DRG1: variants seen among roughly 807,000 people sequenced by gnomAD.
DRG1 encodes developmentally regulated GTP binding protein 1, also known as developmentally-regulated GTP-binding protein 1.
DRG1 carries 19 observed loss-of-function variants against 38.8 expected under a neutral mutation model. That is an observed-to-expected ratio of 0.49 (90% CI 0.34 to 0.72). The LOEUF is 0.72. Among genes scored for constraint, DRG1 ranks in the 30% least tolerant of loss-of-function variants. The probability of loss-of-function intolerance (pLI) is 0.01; values close to 1 mark genes in which losing one functional copy is unlikely to be tolerated. For synonymous variants in DRG1, 167 were observed against 157.5 expected (o/e 1.06, Z -0.45); for missense variants, 299 against 444.8 (o/e 0.67, Z 2.95).
At chr22:31,423,587 C>T (rs926573508) in intron 6 of DRG1, among the ~76,000 whole-genome samples, 177 bp downstream of exon 6, 4 of 138,296 alleles carry the variant, frequency 2.9e-5, no homozygotes, top group East Asian at 2.3e-4. Context: ...AGTGCAGTGG[C>T]GTGATCTCAG....
At chr22:31,406,915 T>G (rs986642799) in intron 3 of DRG1, among the ~76,000 whole-genome samples, 30 of 152,336 alleles carry the variant, frequency 2.0e-4, no homozygotes, top group Admixed American at 5.2e-4. Context: ...TTTAGCTATT[T>G]CTGTCTATTT....
At chr22:31,401,081 C>T (rs2049958283) in intron 2 of DRG1, among the ~76,000 whole-genome samples, 1 of 151,902 alleles carries the variant, frequency 6.6e-6, no homozygotes, top group South Asian at 2.1e-4. Context: ...TGAATATTGT[C>T]TAAGTGTACT....
intron 6 of DRG1, 146 bp from the exon 7 acceptor site, chr22:31,426,469 T>A: frequency 1.5e-6 from 1 of 669,848 alleles, no homozygotes; most frequent in South Asian, 2.2e-5. Context: ...CTTTTTCTTT[T>A]TCTTTTTTCT....
intron 3 of DRG1, among the ~76,000 whole-genome samples, chr22:31,404,942 T>A (rs149580387): frequency 1.0e-3 from 152 of 151,302 alleles, no homozygotes; most frequent in Middle Eastern, 3.4e-3. Flanking sequence ...AAATAAATAT[T>A]TTTTTTTTAG....
intron 3 of DRG1, among the ~76,000 whole-genome samples, chr22:31,404,972 T>C (rs569763323): frequency 6.6e-6 from 1 of 152,274 alleles, no homozygotes; most frequent in East Asian, 1.9e-4. Context: ...GGTTGTAACA[T>C]GAAATTCGGA....
intron 6 of DRG1, 51 bp from the exon 7 acceptor site, chr22:31,426,564 G>A: frequency 6.5e-7 from 1 of 1,528,156 alleles, no homozygotes; most frequent in South Asian, 1.2e-5. Flanking sequence ...CAGTCTGACA[G>A]TTCTGTCAAC....
Position 31,402,892 on chromosome 22 carries a change from C to T in DRG1, c.167-137C>T, listed in dbSNP as rs2049970913. Reference sequence around the variant, plus strand: ...CCCTCAAGTTTTGTGTGCTTTAGTTCTCCTTTAAAGGTAAACCATAAAAAG... The same window carrying T: ...CCCTCAAGTTTTGTGTGCTTTAGTTTTCCTTTAAAGGTAAACCATAAAAAG... On this transcript the variant is annotated intron_variant, in intron 2 of 8. Coordinates refer to ENST00000331457, the MANE Select transcript of DRG1 (RefSeq NM_004147.4). 5.4e-6 allele frequency: 5 copies of T among 923,790 alleles called. No homozygotes were observed. The African/African-American group carries it at 8.3e-5, about 15-fold the overall frequency. The allele number at this position is 923,790 out of a possible 1,614,324, so 57.2% of individuals were successfully genotyped here.
At chr22:31,407,495 C>G (rs1454081118) in intron 3 of DRG1, among the ~76,000 whole-genome samples, 1 of 151,904 alleles carries the variant, frequency 6.6e-6, no homozygotes, top group East Asian at 1.9e-4. Flanking sequence ...ACTACCATGC[C>G]TGACTAATTT....
chr22:31,412,542 G>A (rs576823068), intron 4 of DRG1, among the ~76,000 whole-genome samples: 1 of 151,232 alleles, frequency 6.6e-6, no homozygotes, highest in Non-Finnish European at 1.5e-5. Context: ...GTAAAGATGG[G>A]GTTTCATCGT....
intron 4 of DRG1, among the ~76,000 whole-genome samples, chr22:31,414,078 C>G (rs1472065785): frequency 6.6e-6 from 1 of 152,174 alleles, no homozygotes; most frequent in Non-Finnish European, 1.5e-5. Flanking sequence ...TTCCTGGTCT[C>G]CTTTGCTTGA....
intron 5 of DRG1, among the ~76,000 whole-genome samples, chr22:31,422,949 A>G (rs2050084910): frequency 6.6e-6 from 1 of 152,134 alleles, no homozygotes; most frequent in Non-Finnish European, 1.5e-5. Context: ...GACCACCAGT[A>G]TTGGATTATG....
rs927341523 is a variant in DRG1, at chr22:31,410,867, A to G, written c.343-145A>G. ...ATTTAGTAGGTGCTTATTAAAAGTA[A>G]TATTCACACACTCGCTTATAAGGAA... On this transcript the variant is annotated intron_variant, in intron 3 of 8. Transcript: ENST00000331457. The G allele has an allele frequency of 1.1e-5, 8 of 746,214 alleles. No homozygotes were observed. The Admixed American group carries it at 2.3e-4, about 22-fold the overall frequency. The allele number at this position is 746,214 out of a possible 1,614,324, so 46.2% of individuals were successfully genotyped here.
intron 3 of DRG1, among the ~76,000 whole-genome samples, chr22:31,408,748 T>C (rs1347162505): frequency 1.3e-5 from 1 of 78,850 alleles, no homozygotes; most frequent in Admixed American, 1.3e-4. Context: ...GCGAGACTCA[T>C]TCTCAAAAAA....
chr22:31,423,931 C>G (rs1428298052), intron 6 of DRG1, among the ~76,000 whole-genome samples: 1 of 146,058 alleles, frequency 6.8e-6, no homozygotes, highest in Non-Finnish European at 1.5e-5. Flanking sequence ...GTGGCGCAGT[C>G]TCGGCTCACT....
At position 31,426,629 on chromosome 22, in the gene DRG1, G is replaced by C; in HGVS notation, c.728G>C (p.Cys243Ser). 1 of 1,613,052 alleles carries C rather than the reference G, an allele frequency of 6.2e-7. No homozygotes were observed. Among genetic ancestry groups the C allele is most frequent in the Non-Finnish European group, 8.5e-7 (1 of 1,179,620 alleles). Residue 243 changes from cysteine (C) to serine (S), a missense_variant, in exon 7 of 9, where the codon TGT becomes TCT. Physicochemically the swap from Cys to Ser is moderately radical, Grantham distance 112. Coordinates refer to ENST00000331457, the MANE Select transcript of DRG1 (RefSeq NM_004147.4). ...VVEGNRVYIPCIYVLNKIDQI... is the reference protein window; with the variant it reads ...VVEGNRVYIPSIYVLNKIDQI... ...ACTTTCTGTAGAGTTTATATCCCCT[G>C]TATCTATGTGTTAAATAAGATTGAC...
intron 1 of DRG1, among the ~76,000 whole-genome samples, chr22:31,400,302 T>C (rs1236365579): frequency 6.6e-6 from 1 of 151,930 alleles, no homozygotes; most frequent in African/African-American, 2.4e-5. Flanking sequence ...GAGAGCGCTT[T>C]ACAATTAGGA....
chr22:31,402,968 A>G (rs2049971138), intron 2 of DRG1, 61 bp from the exon 3 acceptor site: 1 of 1,525,722 alleles, frequency 6.6e-7, no homozygotes, highest in Non-Finnish European at 8.8e-7. Context: ...GAAAGAAGTT[A>G]TATGAGTCTT....
In DRG1 at chr22:31,420,391, A is replaced by G. The variant is rs770670606; in HGVS notation, c.548A>G (p.Lys183Arg). 1.5e-5 allele frequency: 24 copies of G among 1,614,084 alleles called. No homozygotes were observed. The highest frequency in any genetic ancestry group is 1.9e-5 in the Non-Finnish European group (23 of 1,180,046). ...AAACCCCCCAACATTGGCTTTAAGAAGAAGGACAAGGGAGGCATTAATCTC... is the reference window on the plus strand; with the variant it reads ...AAACCCCCCAACATTGGCTTTAAGAGGAAGGACAAGGGAGGCATTAATCTC... ...NSKPPNIGFK[K>R]KDKGGINLTA... The change falls in exon 5 of 9, where the codon AAG becomes AGG. Residue 183 changes from lysine (K) to arginine (R), a missense_variant. This residue lies in a region of DRG1 where 198 missense variants were observed against 268.1 expected (regional missense o/e 0.74). Transcript: ENST00000331457.
chr22:31,408,783 T>G (rs1484019639), intron 3 of DRG1, among the ~76,000 whole-genome samples: 1 of 151,506 alleles, frequency 6.6e-6, no homozygotes, highest in Non-Finnish European at 1.5e-5. Context: ...AAAGATATTT[T>G]AAGTGATGTT....
Sources: allele counts gnomAD v4.1 joint callset (sites outside exome capture counted in the v4.1 genomes callset), GRCh38; gene constraint gnomAD v4.1.1; regional missense constraint gnomAD v4.1.1; transcripts MANE v1.5; gene names NCBI Gene and HGNC (gene_info 2026-07-23, HGNC 2026-07-21).